SLC4A10: variants seen among roughly 807,000 people sequenced by gnomAD.
The protein encoded by SLC4A10 is sodium-driven chloride bicarbonate exchanger.
A neutral mutation model predicts 137.7 loss-of-function variants in SLC4A10; 42 were observed. That is an observed-to-expected ratio of 0.30 (90% confidence interval 0.24 to 0.39). The LOEUF (loss-of-function observed/expected upper bound fraction) is 0.39, where lower values mean the gene tolerates loss of function less well. Among genes scored for constraint, SLC4A10 ranks in the 10% least tolerant of loss-of-function variants. The probability of loss-of-function intolerance (pLI) is 1.00; values close to 1 mark genes in which losing one functional copy is unlikely to be tolerated. For synonymous variants in SLC4A10, 474 were observed against 464.1 expected (o/e 1.02, Z -0.27); for missense variants, 925 against 1,355.0 (o/e 0.68, Z 4.98).
At chr2:161,633,497 T>C (rs1169984093) in intron 1 of SLC4A10, among the ~76,000 whole-genome samples, 5 of 151,734 alleles carry the variant, frequency 3.3e-5, no homozygotes, top group African/African-American at 1.2e-4. Flanking sequence ...TGGCAAGTTA[T>C]CTAGGTTTTC....
intron 4 of SLC4A10, among the ~76,000 whole-genome samples, chr2:161,841,385 G>A (rs961641637): frequency 3.3e-5 from 5 of 152,062 alleles, no homozygotes; most frequent in African/African-American, 1.2e-4. Context: ...TGCTGACACA[G>A]GTTTTATTGT....
intron 1 of SLC4A10, among the ~76,000 whole-genome samples, chr2:161,696,080 C>A (rs933603641): frequency 6.7e-6 from 1 of 150,114 alleles, no homozygotes; most frequent in Non-Finnish European, 1.5e-5. Flanking sequence ...CACCCCACGA[C>A]AGGCCCCGTG....
chr2:161,751,839 G>A (rs193281733), intron 1 of SLC4A10, among the ~76,000 whole-genome samples: 1 of 152,014 alleles, frequency 6.6e-6, no homozygotes, highest in Admixed American at 6.6e-5. Flanking sequence ...GATCTTCCAA[G>A]TAGGAGTTTT....
chr2:161,697,367 T>C (rs963203592), intron 1 of SLC4A10, among the ~76,000 whole-genome samples: 1 of 152,196 alleles, frequency 6.6e-6, no homozygotes, highest in Non-Finnish European at 1.5e-5. Flanking sequence ...GTTTTAGACA[T>C]GAAGTCCTTG....
chr2:161,907,293 C>G (rs1411137729), intron 15 of SLC4A10, among the ~76,000 whole-genome samples: 3 of 152,124 alleles, frequency 2.0e-5, no homozygotes, highest in African/African-American at 7.2e-5. Context: ...CAGGGACACT[C>G]AGAAAACAGG....
chr2:161,946,762 G>A (rs1693885357), intron 16 of SLC4A10, among the ~76,000 whole-genome samples: 1 of 151,974 alleles, frequency 6.6e-6, no homozygotes, highest in Admixed American at 6.6e-5. Context: ...AGTTCTTCAG[G>A]CTCTTACAGA....
intron 1 of SLC4A10, among the ~76,000 whole-genome samples, chr2:161,735,325 T>G (rs1254469342): frequency 1.3e-5 from 2 of 151,748 alleles, no homozygotes; most frequent in African/African-American, 2.4e-5. Context: ...TTAGCAAATC[T>G]AAATATATTT....
At chr2:161,817,585 G>T (rs1225845268) in intron 3 of SLC4A10, among the ~76,000 whole-genome samples, 2 of 152,090 alleles carry the variant, frequency 1.3e-5, no homozygotes, top group African/African-American at 4.8e-5. Flanking sequence ...TATTGCCTAG[G>T]TTTTCTTCTA....
chr2:161,745,033 C>CA (rs1325904793), intron 1 of SLC4A10, among the ~76,000 whole-genome samples: 1 of 152,086 alleles, frequency 6.6e-6, no homozygotes, highest in African/African-American at 2.4e-5. Context: ...CTTGTGTTGA[C>CA]AAAAATCCCC....
At chr2:161,708,736 T>C (rs1574483705) in intron 1 of SLC4A10, 5 of 1,530,152 alleles carry the variant, frequency 3.3e-6, no homozygotes, top group Non-Finnish European at 4.4e-6. Flanking sequence ...GATTATCTTT[T>C]GTAAGACAGG....
intron 19 of SLC4A10, among the ~76,000 whole-genome samples, chr2:161,954,374 G>A (rs1467225298): frequency 6.6e-6 from 1 of 152,086 alleles, no homozygotes; most frequent in Non-Finnish European, 1.5e-5. Context: ...GTCTGGTGTA[G>A]CATCACCTGT....
intron 15 of SLC4A10, among the ~76,000 whole-genome samples, chr2:161,923,142 G>A (rs563642668): frequency 6.6e-6 from 1 of 152,140 alleles, no homozygotes; most frequent in Non-Finnish European, 1.5e-5. Flanking sequence ...CTGGATGAGG[G>A]CATTTAATTA....
chr2:161,799,970 T>C (rs2055192254), intron 2 of SLC4A10, among the ~76,000 whole-genome samples: 1 of 151,962 alleles, frequency 6.6e-6, no homozygotes. Flanking sequence ...AAAGTTTATC[T>C]CCGTTATATA....
chr2:161,932,558 A>G (rs1319366405), intron 15 of SLC4A10, among the ~76,000 whole-genome samples: 1 of 152,104 alleles, frequency 6.6e-6, no homozygotes, highest in Non-Finnish European at 1.5e-5. Context: ...GGTTATTTCT[A>G]TTAGGACTTG....
At chr2:161,773,083 A>G (rs568457407) in intron 2 of SLC4A10, among the ~76,000 whole-genome samples, 3 of 151,866 alleles carry the variant, frequency 2.0e-5, no homozygotes, top group Non-Finnish European at 4.4e-5. Context: ...CACAGACTGG[A>G]TAATTTATAA....
intron 8 of SLC4A10, among the ~76,000 whole-genome samples, chr2:161,875,764 T>G (rs777010597): frequency 2.0e-5 from 3 of 152,200 alleles, no homozygotes; most frequent in Non-Finnish European, 4.4e-5. Context: ...TTGTATTATT[T>G]AATCCTAGAA....
rs547614361 is a variant in SLC4A10 at position 161,801,440 on chromosome 2, C to T, written c.131-3009C>T. 1.8e-4 allele frequency among the ~76,000 whole-genome samples: 27 copies of T among 152,076 alleles called. 1 individual carries two copies. The South Asian group carries it at 5.2e-3, about 29-fold the overall frequency. On this transcript the variant is annotated intron_variant, in intron 2 of 26. Coordinates refer to ENST00000446997, the MANE Select transcript of SLC4A10 (RefSeq NM_001178015.2). ...ACTGTCTGCTGTTTTCTCCAACTCCCCACAACTCACCTTAGGTGTAGTTGG... is the reference window on the plus strand; with the variant it reads ...ACTGTCTGCTGTTTTCTCCAACTCCTCACAACTCACCTTAGGTGTAGTTGG...
At chr2:161,812,939 A>G (rs2056695944) in intron 3 of SLC4A10, among the ~76,000 whole-genome samples, 1 of 151,566 alleles carries the variant, frequency 6.6e-6, no homozygotes, top group Non-Finnish European at 1.5e-5. Context: ...GCATTTTCCT[A>G]CTTTTATTAT....
intron 3 of SLC4A10, among the ~76,000 whole-genome samples, chr2:161,818,819 G>A (rs1346098337): frequency 1.3e-5 from 2 of 152,148 alleles, no homozygotes; most frequent in Non-Finnish European, 2.9e-5. Context: ...TGCATCCCAG[G>A]GATGAAGGCC....
Sources: gnomAD v4.1 joint callset for allele counts (sites outside exome capture counted in the v4.1 genomes callset) on GRCh38, gnomAD v4.1.1 for gene constraint, MANE v1.5 for transcripts, NCBI Gene and HGNC (gene_info 2026-07-23, HGNC 2026-07-21) for gene names.